Variants in IDH3A observed in about 807,000 individuals in gnomAD.
IDH3A encodes isocitrate dehydrogenase [NAD] subunit alpha, mitochondrial.
Under a neutral mutation model 43.3 loss-of-function variants are expected in IDH3A, and 23 were observed. The ratio of observed to expected loss-of-function variants is 0.53; its 90% CI spans 0.38 to 0.75. The LOEUF is 0.75. IDH3A is among the 30% of genes least tolerant of loss of function. The pLI is 0.00. For synonymous variants in IDH3A, 154 were observed against 163.5 expected, an observed-to-expected ratio of 0.94 and a Z score of 0.44; for missense variants, 329 against 474.4, an observed-to-expected ratio of 0.69 and a Z score of 2.85.
At chr15:78,162,048 C>T (rs1436379270) in intron 5 of IDH3A, among the ~76,000 whole-genome samples, 186 bp from the exon 6 acceptor site, 2 of 152,304 alleles carry the variant, frequency 1.3e-5, no homozygotes, top group African/African-American at 4.8e-5. Context: ...CAGTGGGGCT[C>T]ATAATACTTA....
chr15:78,152,901 C>T (rs1228957368), intron 1 of IDH3A, among the ~76,000 whole-genome samples: 1 of 151,984 alleles, frequency 6.6e-6, no homozygotes, highest in African/African-American at 2.4e-5. Context: ...TGAGGCTGGA[C>T]TCAGTTTTGT....
chr15:78,161,489 C>A lies in IDH3A; in HGVS notation c.290-92C>A. 2.1e-6 allele frequency: 2 copies of A among 938,858 alleles called. No homozygotes were observed. Among genetic ancestry groups the A allele is most frequent in the Non-Finnish European group, 3.3e-6 (2 of 605,832 alleles). The allele number at this position is 938,858 out of a possible 1,614,324, so 58.2% of individuals were successfully genotyped here. A position where few individuals can be genotyped will look rare whatever the true frequency, so the allele number is the denominator to read the frequency against. On this transcript the variant is annotated intron_variant, in intron 4 of 10. Transcript: ENST00000299518. This position sits in a 1 kb window ranked among gnomAD's most constrained non-coding sequence, Gnocchi z 4.8. ...GGTAGAGAGTGAACTAGAGGCAGAA[C>A]ACATTTCACAAGGTAGCCGAGGTGG...
chr15:78,167,537 G>C (rs554569571), intron 10 of IDH3A: 3 of 152,144 alleles, frequency 2.0e-5, no homozygotes, highest in Non-Finnish European at 4.4e-5. Flanking sequence ...CATTTTAGCC[G>C]TATTTAGGTA....
In IDH3A at chr15:78,166,016, G is replaced by A. The variant is rs2141302686; in HGVS notation, c.865-134G>A. On this transcript the variant is annotated intron_variant, in intron 9 of 10. Coordinates refer to ENST00000299518, the MANE Select transcript of IDH3A (RefSeq NM_005530.3). ...GACTTTATTTCTTCAGTCCATATCA[G>A]ATGAATTGCACGCAGTAGCTTTCAG... The A allele has an allele frequency of 6.2e-6, 5 of 810,634 alleles. 1 individual carries two copies. In the South Asian group the frequency reaches 8.2e-5, roughly 13 times the overall value. 50.2% of individuals were successfully genotyped at this position (810,634 alleles called of 1,614,324 possible). A position where few individuals can be genotyped will look rare whatever the true frequency, so the allele number is the denominator to read the frequency against.
chr15:78,160,617 G>T (rs1168472387), intron 4 of IDH3A, among the ~76,000 whole-genome samples: 3 of 151,458 alleles, frequency 2.0e-5, no homozygotes, highest in African/African-American at 4.9e-5. Context: ...TCAGCCGCCC[G>T]AGTGGCTAGG....
intron 1 of IDH3A, among the ~76,000 whole-genome samples, chr15:78,152,162 G>A (rs755364536): frequency 3.4e-5 from 5 of 145,966 alleles, no homozygotes; most frequent in Admixed American, 7.2e-5. Context: ...GGGTTCAAGC[G>A]ATTCTCCTGC....
rs1236226711 is a variant in IDH3A, at chr15:78,150,862, A to C, written c.27+1432A>C. 2.6e-5 allele frequency: 4 copies of C among 152,222 alleles called. No individual in the cohort carries two copies. In the East Asian group the frequency reaches 7.7e-4, roughly 29 times the overall value. The allele number at this position is 152,222 out of a possible 1,614,324, so 9.4% of individuals were successfully genotyped here. A position where few individuals can be genotyped will look rare whatever the true frequency, so the allele number is the denominator to read the frequency against. ...TGCTTGTGATGATAACTCTTATGTC[A>C]CATTTGCTCCTAAAAGTAAAGCAAC... On this transcript the variant is annotated intron_variant, in intron 1 of 10. Coordinates refer to ENST00000299518, the MANE Select transcript of IDH3A (RefSeq NM_005530.3).
intron 10 of IDH3A, 195 bp from the exon 11 acceptor site, chr15:78,168,727 A>C (rs928061995): frequency 1.9e-6 from 1 of 523,708 alleles, no homozygotes; most frequent in African/African-American, 1.9e-5. Flanking sequence ...TGTTGTATAC[A>C]CTATGAGATT....
intron 10 of IDH3A, chr15:78,168,692 G>A (rs1159010797): frequency 2.9e-6 from 1 of 342,310 alleles, no homozygotes; most frequent in Non-Finnish European, 5.3e-6. Flanking sequence ...TTTGCATCAA[G>A]AGCACCTTAT....
chr15:78,156,787 C>T (rs373364148), intron 2 of IDH3A: 12 of 660,068 alleles, frequency 1.8e-5, no homozygotes, highest in African/African-American at 1.2e-4. Flanking sequence ...ATGCTGGCTT[C>T]GTTTTGCCTG....
chr15:78,159,718 C>T (rs1231310358), intron 3 of IDH3A, among the ~76,000 whole-genome samples: 4 of 152,018 alleles, frequency 2.6e-5, no homozygotes, highest in East Asian at 1.9e-4. Flanking sequence ...GGGCTGGGCC[C>T]GGTAGCTCAC....
rs1470347151 is a variant in IDH3A at position 78,168,949 on chromosome 15, G to A, written c.1045G>A (p.Ala349Thr). The A allele has an allele frequency of 2.5e-6, 4 of 1,603,286 alleles. No individual in the cohort carries two copies. The highest frequency in any genetic ancestry group is 3.4e-6 in the Non-Finnish European group (4 of 1,171,364). The change falls in exon 11 of 11, where the codon GCA (alanine) becomes ACA (threonine). Residue 349 changes from alanine (A) to threonine (T), a missense_variant. Around this residue, in one of 3 missense-constraint regions of IDH3A, gnomAD observed 91 missense variants for 111.6 expected, o/e 0.82. Transcript: ENST00000299518. ...KSLTKDLGGN[A>T]KCSDFTEEIC... is the part of the protein sequence containing the mutation. The stretch of plus-strand genomic sequence containing the variant: ...CTTGACAAAAGATTTGGGAGGCAAT[G>A]CAAAATGCTCAGACTTCACAGAGGA...
At chr15:78,157,245 G>C (rs1168674784) in intron 2 of IDH3A, 1 of 911,690 alleles carries the variant, frequency 1.1e-6, no homozygotes, top group Non-Finnish European at 1.4e-6. Flanking sequence ...CAGCTTGTCT[G>C]AAAAGAAATA....
intron 3 of IDH3A, among the ~76,000 whole-genome samples, chr15:78,158,089 G>A (rs1340741377): frequency 1.3e-5 from 2 of 152,044 alleles, no homozygotes; most frequent in Non-Finnish European, 2.9e-5. Flanking sequence ...TTTAAGCCCT[G>A]CCAAATCACC....
rs1473245239 is a variant in IDH3A at position 78,161,907 on chromosome 15, C to G, written c.477+139C>G. ...TGCTGGGTGTCTGGCTGACAGTACT[C>G]AAACAAATGTAAGGCATGGTGGTTC... On this transcript the variant is annotated intron_variant, in intron 5 of 10. Coordinates refer to ENST00000299518, the MANE Select transcript of IDH3A (RefSeq NM_005530.3). This position sits in a 1 kb window ranked among gnomAD's most constrained non-coding sequence, Gnocchi z 4.8. 1.3e-6 allele frequency: 1 copy of G among 775,946 alleles called. No homozygotes were observed. The highest frequency in any genetic ancestry group is 1.7e-5 in the African/African-American group (1 of 57,286). 48.1% of individuals were successfully genotyped at this position (775,946 alleles called of 1,614,324 possible). A position where few individuals can be genotyped will look rare whatever the true frequency, so the allele number is the denominator to read the frequency against.
intron 6 of IDH3A, 31 bp downstream of exon 6, chr15:78,162,398 C>G (rs2074691235): frequency 1.2e-6 from 2 of 1,609,496 alleles, no homozygotes; most frequent in East Asian, 4.5e-5. Flanking sequence ...GGCACCCCAT[C>G]TTGCTTTGTT....
chr15:78,160,942 C>T (rs1457371968), intron 4 of IDH3A, among the ~76,000 whole-genome samples: 10 of 152,192 alleles, frequency 6.6e-5, no homozygotes, highest in Admixed American at 2.0e-4. Flanking sequence ...AGTGCAGTGC[C>T]GTGATCTCGG....
intron 5 of IDH3A, 114 bp from the exon 6 acceptor site, chr15:78,162,120 C>T: frequency 9.5e-7 from 1 of 1,048,202 alleles, no homozygotes; most frequent in South Asian, 1.4e-5. Context: ...ATTAGTCATG[C>T]TAGCTGGCAC....
intron 3 of IDH3A, 72 bp from the exon 4 acceptor site, chr15:78,160,020 C>T: frequency 2.2e-6 from 2 of 913,456 alleles, no homozygotes; most frequent in Non-Finnish European, 3.7e-6. Flanking sequence ...AAAGTTTGTT[C>T]ATCATTGCAG....
Sources: gnomAD v4.1 joint callset for allele counts (sites outside exome capture counted in the v4.1 genomes callset) on GRCh38, gnomAD v4.1.1 for gene constraint, gnomAD v4.1.1 regional missense constraint, Gnocchi (gnomAD v3.1) non-coding constraint, MANE v1.5 for transcripts, NCBI Gene and HGNC (gene_info 2026-07-23, HGNC 2026-07-21) for gene names.